The following LRRC4C variants were observed in gnomAD, a reference collection of about 807,000 sequenced individuals.
LRRC4C encodes leucine-rich repeat-containing protein 4C.
LRRC4C carries 5 observed loss-of-function variants against 33.6 expected under a neutral mutation model. The observed-to-expected ratio is 0.15, with a 90% confidence interval of 0.08 to 0.31. LRRC4C has a LOEUF of 0.31. LRRC4C is among the 10% of genes least tolerant of loss of function. The pLI is 1.00. For missense variants in LRRC4C, 560 were observed against 796.7 expected (o/e 0.70, Z 3.58); for synonymous variants, 329 against 302.0 (o/e 1.09, Z -0.93).
Position 40,222,213 on chromosome 11 carries a change from C to T in LRRC4C, c.-96+19306G>A, listed in dbSNP as rs1864472355. Among the ~76,000 whole-genome samples the T allele has an allele frequency of 2.0e-5, 3 of 152,254 alleles. No homozygotes were observed. In the South Asian group the frequency reaches 6.2e-4, roughly 32 times the overall value. On this transcript the variant is annotated intron_variant, in intron 5 of 6. Transcript: ENST00000528697. ...CCCCCATGACTGACACTCAGGAGTTCTAATTTCAGTATCCTTCCTTTTAGT... is the reference window on the plus strand; with the variant it reads ...CCCCCATGACTGACACTCAGGAGTTTTAATTTCAGTATCCTTCCTTTTAGT...
chr11:41,140,756 T>C (rs1186513655), intron 1 of LRRC4C, among the ~76,000 whole-genome samples: 1 of 152,196 alleles, frequency 6.6e-6, no homozygotes. Context: ...TTTCTCCTTA[T>C]TGCCAGAAAT....
intron 1 of LRRC4C, among the ~76,000 whole-genome samples, chr11:41,429,377 A>G (rs1330679320): frequency 5.3e-5 from 8 of 152,182 alleles, no homozygotes; most frequent in Admixed American, 4.6e-4. Flanking sequence ...TGTCAAACAT[A>G]TCCTTTGGTG....
intron 5 of LRRC4C, among the ~76,000 whole-genome samples, chr11:40,192,850 G>C (rs1169403004): frequency 6.6e-6 from 1 of 152,166 alleles, no homozygotes. Flanking sequence ...GTTCGGACTA[G>C]GCAGAGCCCA....
At chr11:40,936,724 G>A (rs1008365953) in intron 1 of LRRC4C, among the ~76,000 whole-genome samples, 5 of 152,046 alleles carry the variant, frequency 3.3e-5, no homozygotes, top group African/African-American at 1.2e-4. Flanking sequence ...TCTCAACGCT[G>A]TGTAGTTGCA....
chr11:40,798,534 T>C (rs535228955), intron 2 of LRRC4C, among the ~76,000 whole-genome samples: 49 of 152,300 alleles, frequency 3.2e-4, no homozygotes, highest in Non-Finnish European at 5.9e-4. Flanking sequence ...TTATAAGTAA[T>C]AGTCATGTAA....
intron 5 of LRRC4C, among the ~76,000 whole-genome samples, chr11:40,175,721 A>G (rs935489301): frequency 6.6e-6 from 1 of 152,234 alleles, no homozygotes; most frequent in Non-Finnish European, 1.5e-5. Context: ...TAAAGCCTCC[A>G]GAACACAAGA....
intron 3 of LRRC4C, among the ~76,000 whole-genome samples, chr11:40,594,668 T>C (rs1415022091): frequency 1.3e-5 from 2 of 152,174 alleles, no homozygotes; most frequent in South Asian, 2.1e-4. Context: ...ATTCAGTATT[T>C]AACAAAACAG....
At chr11:40,696,059 G>GTGTGTGTGTA (rs1265753792) in intron 2 of LRRC4C, among the ~76,000 whole-genome samples, 2 of 142,510 alleles carry the variant, frequency 1.4e-5, no homozygotes, top group African/African-American at 5.4e-5. Context: ...GTGTGTGTGT[G>GTGTGTGTGTA]TATATATGAG....
In LRRC4C at chr11:41,071,453, A is replaced by T. The variant is rs377515076; in HGVS notation, c.-495-137730T>A. Among the ~76,000 whole-genome samples, 23 of 152,254 alleles carry T rather than the reference A, an allele frequency of 1.5e-4. No homozygotes were observed. In the East Asian group the frequency reaches 1.5e-3, roughly 10 times the overall value. On this transcript the variant is annotated intron_variant, in intron 1 of 6. Transcript: ENST00000528697. ...ATAAATAAAATAAAATGCCTAAAAA[A>T]GTTTAGAGCCCTTACAAATTATGCG...
rs551502261 is a variant in LRRC4C, at chr11:41,411,294, G to T, written c.-496+48137C>A. 4.0e-5 allele frequency among the ~76,000 whole-genome samples: 6 copies of T among 151,210 alleles called. No individual in the cohort carries two copies. The South Asian group carries it at 1.3e-3, about 32-fold the overall frequency. On this transcript the variant is annotated intron_variant, in intron 1 of 6. Coordinates refer to ENST00000528697, the MANE Select transcript of LRRC4C (RefSeq NM_001258419.2). ...CTCCCGAGCAGCTGGGACTACAGGT[G>T]CCCACCACCACGCCCAGCTAATTTT... is the stretch of plus-strand genomic sequence containing the variant.
intron 4 of LRRC4C, among the ~76,000 whole-genome samples, chr11:40,258,275 T>C (rs1315411433): frequency 6.6e-6 from 1 of 152,136 alleles, no homozygotes; most frequent in Non-Finnish European, 1.5e-5. Context: ...CAGCCATAAT[T>C]AGGAGTTCTG....
chr11:40,182,873 G>A (rs967272879), intron 5 of LRRC4C, among the ~76,000 whole-genome samples: 4 of 152,044 alleles, frequency 2.6e-5, no homozygotes, highest in African/African-American at 7.2e-5. Context: ...ATCATTACAC[G>A]TGTTAACTAA....
chr11:40,645,578 T>C (rs67296919), intron 3 of LRRC4C, among the ~76,000 whole-genome samples: 2 of 152,154 alleles, frequency 1.3e-5, no homozygotes, highest in East Asian at 1.9e-4. Flanking sequence ...TTCTATTTTA[T>C]ACATTTTTCT....
chr11:40,578,782 C>T (rs890106662), intron 3 of LRRC4C, among the ~76,000 whole-genome samples: 1 of 152,186 alleles, frequency 6.6e-6, no homozygotes, highest in South Asian at 2.1e-4. Context: ...ACAAATATTA[C>T]AAACTAACAA....
rs1944308376 is a variant in LRRC4C, at chr11:41,157,983, C to T, written c.-495-224260G>A. Among the ~76,000 whole-genome samples the T allele has an allele frequency of 2.0e-5, 3 of 151,864 alleles. No homozygotes were observed. In the South Asian group the frequency reaches 6.2e-4, roughly 32 times the overall value. ...ACTCTGTTGTGCTACCAAATACTAG[C>T]TCTTATTCATTCATTTATTTTTGAT... is the stretch of plus-strand genomic sequence containing the variant. On this transcript the variant is annotated intron_variant, in intron 1 of 6. Transcript: ENST00000528697.
intron 1 of LRRC4C, among the ~76,000 whole-genome samples, chr11:41,128,268 A>G (rs1942845074): frequency 6.6e-6 from 1 of 150,600 alleles, no homozygotes; most frequent in Non-Finnish European, 1.5e-5. Context: ...CATACCTCCA[A>G]AAAAAAAAAT....
intron 1 of LRRC4C, among the ~76,000 whole-genome samples, chr11:41,364,373 G>C (rs1952460591): frequency 6.6e-6 from 1 of 152,112 alleles, no homozygotes; most frequent in Non-Finnish European, 1.5e-5. Flanking sequence ...CCATCTCCCA[G>C]GTTCAAGCGA....
intron 1 of LRRC4C, among the ~76,000 whole-genome samples, chr11:41,084,628 C>A (rs1385387413): frequency 6.6e-6 from 1 of 152,088 alleles, no homozygotes; most frequent in Non-Finnish European, 1.5e-5. Context: ...GCGGGTGGAT[C>A]ACCTGAGGTC....
At position 40,982,314 on chromosome 11, in the gene LRRC4C, G is replaced by T. The variant is rs537591265; in HGVS notation, c.-495-48591C>A. On this transcript the variant is annotated intron_variant, in intron 1 of 6. Coordinates refer to ENST00000528697, the MANE Select transcript of LRRC4C (RefSeq NM_001258419.2). Reference sequence around the variant, plus strand: ...TATTCTCCTTAAAAAATACAGTGGTGTTGAAAAGGAAACAAGAATGTTAAG... The same window carrying T: ...TATTCTCCTTAAAAAATACAGTGGTTTTGAAAAGGAAACAAGAATGTTAAG... Among the ~76,000 whole-genome samples the T allele has an allele frequency of 1.1e-3, 166 of 152,316 alleles. No homozygotes were observed. The South Asian group carries it at 0.017, about 16-fold the overall frequency.
Sources: allele counts gnomAD v4.1 joint callset (sites outside exome capture counted in the v4.1 genomes callset), GRCh38; gene constraint gnomAD v4.1.1; transcripts MANE v1.5; gene names NCBI Gene and HGNC (gene_info 2026-07-23, HGNC 2026-07-21).